Variants in GDE1 observed in about 807,000 individuals in gnomAD.
GDE1 encodes RGS16-interacting membrane protein.
Under a neutral mutation model 32.2 loss-of-function variants are expected in GDE1, and 24 were observed. That is an observed-to-expected ratio of 0.75 (90% CI 0.54 to 1.05). The LOEUF (loss-of-function observed/expected upper bound fraction) is 1.05, where lower values mean the gene tolerates loss of function less well. Ranked by LOEUF, GDE1 falls within the 50% of genes least tolerant of loss-of-function variation. The pLI is 0.00. For synonymous variants in GDE1, 159 were observed against 158.6 expected, an observed-to-expected ratio of 1.00 and a Z score of -0.02; for missense variants, 380 against 415.0, an observed-to-expected ratio of 0.92 and a Z score of 0.73.
At chr16:19,517,423 C>T (rs140935161) in intron 1 of GDE1, among the ~76,000 whole-genome samples, 258 of 152,286 alleles carry the variant, frequency 1.7e-3, no homozygotes, top group African/African-American at 5.4e-3. Flanking sequence ...ACTCTTCTTA[C>T]TTTCACAGTG....
At position 19,507,661 on chromosome 16, in the gene GDE1, T is replaced by G. The variant is rs765784553; in HGVS notation, c.636+26A>C. 4.1e-5 allele frequency: 47 copies of G among 1,144,546 alleles called. No individual in the cohort carries two copies. In the South Asian group the frequency reaches 5.4e-4, roughly 13 times the overall value. 70.9% of individuals were successfully genotyped at this position (1,144,546 alleles called of 1,614,324 possible). A position where few individuals can be genotyped will look rare whatever the true frequency, so the allele number is the denominator to read the frequency against. ...ATTATCTACACCAGCTCACCTAATA[T>G]GTACAAGAAAAATCCCGAATGTTAC... On this transcript the variant is annotated intron_variant, in intron 4 of 5. Coordinates refer to ENST00000353258, the MANE Select transcript of GDE1 (RefSeq NM_016641.4).
chr16:19,506,861 C>T (rs992564659), intron 4 of GDE1, among the ~76,000 whole-genome samples: 14 of 152,076 alleles, frequency 9.2e-5, no homozygotes, highest in Non-Finnish European at 1.6e-4. Flanking sequence ...AGGCTGGTTA[C>T]TGTGGCTCAT....
At chr16:19,513,541 A>G (rs1333803364) in intron 2 of GDE1, among the ~76,000 whole-genome samples, 3 of 152,190 alleles carry the variant, frequency 2.0e-5, no homozygotes, top group Non-Finnish European at 4.4e-5. Context: ...ATACAAAATC[A>G]TGTTGTCAGC....
At chr16:19,511,756 T>C (rs545306558) in intron 2 of GDE1, among the ~76,000 whole-genome samples, 1 of 152,210 alleles carries the variant, frequency 6.6e-6, no homozygotes, top group East Asian at 1.9e-4. Context: ...ATCATTCTCC[T>C]CTCTACCTCC....
rs73542157 is a variant in GDE1, at chr16:19,504,042, T to C, written c.849-425A>G. The C allele has an allele frequency of 5.3e-3, 827 of 156,334 alleles. 8 individuals are homozygous for C. Among genetic ancestry groups the C allele is most frequent in the African/African-American group, 0.018 (760 of 41,666 alleles). The allele number at this position is 156,334 out of a possible 1,614,324, so 9.7% of individuals were successfully genotyped here. A position where few individuals can be genotyped will look rare whatever the true frequency, so the allele number is the denominator to read the frequency against. On this transcript the variant is annotated intron_variant, in intron 5 of 5. Coordinates refer to ENST00000353258, the MANE Select transcript of GDE1 (RefSeq NM_016641.4). ...CTGCCAGAGCACATTACATGTATTT[T>C]TCTCTCTGATCTGGATTCCTCCCAA...
Position 19,507,701 on chromosome 16 carries a change from C to T in GDE1, c.622G>A (p.Glu208Lys), listed in dbSNP as rs1393262797. The stretch of plus-strand genomic sequence containing the variant: ...CCGAATGTTACCTTGTAGATAACTT[C>T]TGGCAAGAAAGAACAGACCACACTA... The part of the protein sequence containing the change: ...NNSVVCSFLP[E>K]VIYKMRQTDR... Residue 208 changes from glutamate (E) to lysine (K), a missense_variant, in exon 4 of 6, where the codon GAA (glutamate) becomes AAA (lysine). Coordinates refer to ENST00000353258, the MANE Select transcript of GDE1 (RefSeq NM_016641.4). 6.4e-7 allele frequency: 1 copy of T among 1,557,224 alleles called. No homozygotes were observed. Among genetic ancestry groups the T allele is most frequent in the East Asian group, 2.2e-5 (1 of 44,606 alleles).
rs2151443899 is a variant in GDE1, at chr16:19,503,531, G to C, written c.935C>G (p.Ser312Cys). Reference sequence around the variant, plus strand: ...AGTGATATAGCTGGAACCAAGATGGGATTCGTAGTAACTCTTTTCATCAAA... The same window carrying C: ...AGTGATATAGCTGGAACCAAGATGGCATTCGTAGTAACTCTTTTCATCAAA... ...NTFDEKSYYE[S>C]HLGSSYITDS... The change falls in exon 6 of 6, where the codon TCC (serine) becomes TGC (cysteine). Residue 312 changes from serine to cysteine, a missense_variant. Coordinates refer to ENST00000353258, the MANE Select transcript of GDE1 (RefSeq NM_016641.4). The C allele has an allele frequency of 3.7e-6, 6 of 1,613,296 alleles. No individual in the cohort carries two copies. The highest frequency in any genetic ancestry group is 4.2e-6 in the Non-Finnish European group (5 of 1,179,236).
intron 1 of GDE1, among the ~76,000 whole-genome samples, chr16:19,518,309 AC>A (rs1384634992): frequency 1.3e-5 from 2 of 152,196 alleles, no homozygotes; most frequent in African/African-American, 4.8e-5. Flanking sequence ...CTCTTTCTGT[AC>A]TAAAACAAAA....
At chr16:19,516,716 T>G (rs545539672) in intron 2 of GDE1, among the ~76,000 whole-genome samples, 2 of 152,346 alleles carry the variant, frequency 1.3e-5, no homozygotes, top group South Asian at 4.1e-4. Context: ...ATTTGCTTCT[T>G]GGTACACCTG....
chr16:19,519,513 A>G (rs1164119860), intron 1 of GDE1, among the ~76,000 whole-genome samples: 3 of 151,932 alleles, frequency 2.0e-5, no homozygotes, highest in Non-Finnish European at 2.9e-5. Flanking sequence ...TAGTGTAAAC[A>G]TAACTTTTAT....
intron 2 of GDE1, among the ~76,000 whole-genome samples, chr16:19,514,372 C>T (rs1969355127): frequency 6.6e-6 from 1 of 152,100 alleles, no homozygotes; most frequent in African/African-American, 2.4e-5. Flanking sequence ...ATATTCTTGA[C>T]CAAAGACCAG....
chr16:19,519,509 A>G (rs773888950), intron 1 of GDE1, among the ~76,000 whole-genome samples: 2 of 151,794 alleles, frequency 1.3e-5, no homozygotes, highest in African/African-American at 2.4e-5. Context: ...AATATAGTGT[A>G]AACATAACTT....
chr16:19,513,849 G>A (rs1969348276), intron 2 of GDE1, among the ~76,000 whole-genome samples: 1 of 152,204 alleles, frequency 6.6e-6, no homozygotes, highest in African/African-American at 2.4e-5. Flanking sequence ...GGCTGTAATT[G>A]TGTAAGAAGC....
At chr16:19,516,971 A>G in intron 2 of GDE1, 43 bp downstream of exon 2, 2 of 1,561,296 alleles carry the variant, frequency 1.3e-6, no homozygotes, top group South Asian at 1.1e-5. Context: ...GTCATTTCCA[A>G]TAAAAGCTAA....
At chr16:19,521,573 G>T in intron 1 of GDE1, 131 bp downstream of exon 1, 1 of 996,848 alleles carries the variant, frequency 1.0e-6, no homozygotes, top group Non-Finnish European at 1.5e-6. Flanking sequence ...GCGATCAAGG[G>T]CCGGGAGTGT....
At chr16:19,514,499 CAA>C (rs1437155036) in intron 2 of GDE1, among the ~76,000 whole-genome samples, 1 of 152,168 alleles carries the variant, frequency 6.6e-6, no homozygotes, top group Non-Finnish European at 1.5e-5. Flanking sequence ...TTGGAAAACT[CAA>C]AGACTTAATT....
intron 2 of GDE1, among the ~76,000 whole-genome samples, chr16:19,515,318 T>C (rs1969367765): frequency 6.6e-6 from 1 of 152,136 alleles, no homozygotes; most frequent in Non-Finnish European, 1.5e-5. Flanking sequence ...TTCATTTAGT[T>C]TTCAATCATA....
At chr16:19,515,200 T>C (rs900309291) in intron 2 of GDE1, among the ~76,000 whole-genome samples, 3 of 152,184 alleles carry the variant, frequency 2.0e-5, no homozygotes, top group African/African-American at 4.8e-5. Flanking sequence ...TGATCTTAGT[T>C]TCCTCCTTAT....
At chr16:19,519,818 C>A (rs929714389) in intron 1 of GDE1, among the ~76,000 whole-genome samples, 4 of 152,054 alleles carry the variant, frequency 2.6e-5, no homozygotes, top group Admixed American at 2.0e-4. Context: ...ACCAGCCTTG[C>A]CAACATGGCA....
Sources: gnomAD v4.1 joint callset for allele counts (sites outside exome capture counted in the v4.1 genomes callset) on GRCh38, gnomAD v4.1.1 for gene constraint, MANE v1.5 for transcripts, NCBI Gene and HGNC (gene_info 2026-07-23, HGNC 2026-07-21) for gene names.